The following NRXN3 variants were observed in gnomAD, a reference collection of about 807,000 sequenced individuals.
NRXN3 encodes the protein neurexin 3.
In NRXN3, 32 loss-of-function variants were observed where a neutral mutation model predicts 137.6. That is an observed-to-expected ratio of 0.23 (90% CI 0.18 to 0.31). The LOEUF is 0.31. Ranked by LOEUF, NRXN3 falls within the 10% of genes least tolerant of loss-of-function variation. The pLI, the probability that NRXN3 is intolerant of heterozygous loss-of-function variation, is 1.00. For synonymous variants in NRXN3, 798 were observed against 784.5 expected, an observed-to-expected ratio of 1.02 and a Z score of -0.29; for missense variants, 1,574 against 2,062.5, an observed-to-expected ratio of 0.76 and a Z score of 4.59.
intron 8 of NRXN3, 92 bp from the exon 9 acceptor site, chr14:78,803,527 CA>C: frequency 2.6e-6 from 3 of 1,135,726 alleles, no homozygotes; most frequent in Non-Finnish European, 4.0e-6. Context: ...ACAAATCTGG[CA>C]CCCTCTCTAC....
intron 16 of NRXN3, among the ~76,000 whole-genome samples, chr14:79,504,847 AATT>A: frequency 6.6e-6 from 1 of 151,952 alleles, no homozygotes. Flanking sequence ...CATAAAGTAA[AATT>A]ATTATCATTT....
chr14:79,161,122 G>C (rs1486289745), intron 15 of NRXN3, among the ~76,000 whole-genome samples: 1 of 151,880 alleles, frequency 6.6e-6, no homozygotes, highest in South Asian at 2.1e-4. Context: ...ATAATGCACA[G>C]ACTTGAATTC....
intron 20 of NRXN3, among the ~76,000 whole-genome samples, chr14:79,819,753 G>A (rs1467335683): frequency 6.6e-6 from 1 of 151,922 alleles, no homozygotes; most frequent in Non-Finnish European, 1.5e-5. Context: ...AAAGTGCTGG[G>A]ATTACAGGCA....
intron 11 of NRXN3, among the ~76,000 whole-genome samples, chr14:78,957,610 G>A (rs187396643): frequency 8.3e-4 from 127 of 152,272 alleles, no homozygotes; most frequent in African/African-American, 2.7e-3. Flanking sequence ...CTCCTTAGGC[G>A]TAGAGTATGT....
At chr14:78,600,366 T>C (rs2097192713) in intron 4 of NRXN3, among the ~76,000 whole-genome samples, 1 of 152,176 alleles carries the variant, frequency 6.6e-6, no homozygotes, top group African/African-American at 2.4e-5. Flanking sequence ...TACAATACTG[T>C]CATAAAGTCA....
chr14:79,412,635 T>C (rs760697084), intron 15 of NRXN3, among the ~76,000 whole-genome samples: 1 of 150,550 alleles, frequency 6.6e-6, no homozygotes, highest in Non-Finnish European at 1.5e-5. Context: ...TACAAAAAAG[T>C]AGCCAGGGGT....
chr14:78,945,948 T>A (rs2099364265), intron 10 of NRXN3, among the ~76,000 whole-genome samples: 1 of 152,174 alleles, frequency 6.6e-6, no homozygotes, highest in African/African-American at 2.4e-5. Flanking sequence ...TCTGCTCACA[T>A]TTTCTTGGCT....
rs571753772 is a variant in NRXN3, at chr14:78,965,369, C to T, written c.2396-656C>T. Among the ~76,000 whole-genome samples the T allele has an allele frequency of 5.9e-5, 9 of 152,222 alleles. No individual in the cohort carries two copies. The South Asian group carries it at 1.0e-3, about 18-fold the overall frequency. On this transcript the variant is annotated intron_variant, in intron 11 of 20. Coordinates refer to ENST00000335750, the MANE Select transcript of NRXN3 (RefSeq NM_001330195.2). ...CTGATACACCCTAAAGTGTAATGAC[C>T]GCTTTTTAAGTCTGTAGTCCAAAGT...
intron 10 of NRXN3, among the ~76,000 whole-genome samples, chr14:78,896,645 A>C (rs2099176055): frequency 6.6e-6 from 1 of 151,892 alleles, no homozygotes. Flanking sequence ...TTTTATAGAG[A>C]GGCAAAATGC....
chr14:78,243,237 C>T lies in NRXN3; in HGVS notation c.144C>T (p.Arg48=), dbSNP rs756820500. The change falls in exon 2 of 21, where the codon CGC becomes CGT. Residue 48 remains arginine, a synonymous_variant. Transcript: ENST00000335750. This position sits in a 1 kb window ranked among gnomAD's most constrained non-coding sequence, Gnocchi z 4.2. ...ARYLRWDAST[R]SDLSFQFKTN... is the part of the protein sequence containing the mutation. ...ACCTCCGCTGGGATGCCAGCACACG[C>T]AGTGACCTGAGTTTCCAGTTCAAGA... is the stretch of plus-strand genomic sequence containing the variant. 9.0e-6 allele frequency: 14 copies of T among 1,554,008 alleles called. No homozygotes were observed. In the East Asian group the frequency reaches 1.4e-4, roughly 16 times the overall value.
chr14:79,356,459 G>C (rs2093426024), intron 15 of NRXN3, among the ~76,000 whole-genome samples: 1 of 152,132 alleles, frequency 6.6e-6, no homozygotes, highest in South Asian at 2.1e-4. Flanking sequence ...TCTTCATGCT[G>C]CATCCTTGTG....
At chr14:79,275,805 G>C (rs912403356) in intron 15 of NRXN3, among the ~76,000 whole-genome samples, 1 of 151,964 alleles carries the variant, frequency 6.6e-6, no homozygotes, top group Non-Finnish European at 1.5e-5. Context: ...TAATATAGGG[G>C]TTTTTTAAAA....
At chr14:78,347,338 T>C (rs1292103221) in intron 4 of NRXN3, among the ~76,000 whole-genome samples, 1 of 152,234 alleles carries the variant, frequency 6.6e-6, no homozygotes, top group East Asian at 1.9e-4. Context: ...TTCGGTGTTA[T>C]CTGTTTTTCT....
At chr14:79,156,281 G>T (rs1409776372) in intron 15 of NRXN3, among the ~76,000 whole-genome samples, 5 of 151,820 alleles carry the variant, frequency 3.3e-5, no homozygotes, top group African/African-American at 4.8e-5. Context: ...CAGCTAGCAT[G>T]TCAGGCAATC....
At chr14:78,956,677 G>T (rs184210799) in intron 10 of NRXN3, among the ~76,000 whole-genome samples, 2 of 152,160 alleles carry the variant, frequency 1.3e-5, no homozygotes, top group Non-Finnish European at 2.9e-5. Context: ...AAACTTGACA[G>T]TATTACTATT....
chr14:79,783,461 C>A (rs1013626390), intron 19 of NRXN3, among the ~76,000 whole-genome samples: 5 of 152,136 alleles, frequency 3.3e-5, no homozygotes, highest in African/African-American at 7.2e-5. Flanking sequence ...CTTTTCCTGT[C>A]CCTTTGAAGA....
chr14:78,529,768 G>A (rs903281140), intron 4 of NRXN3, among the ~76,000 whole-genome samples: 6 of 152,240 alleles, frequency 3.9e-5, no homozygotes, highest in Admixed American at 1.3e-4. Flanking sequence ...CCCCACTGTG[G>A]CATTTTCTGA....
chr14:79,443,714 A>T (rs1036896423), intron 15 of NRXN3, among the ~76,000 whole-genome samples: 1 of 152,204 alleles, frequency 6.6e-6, no homozygotes, highest in African/African-American at 2.4e-5. Context: ...TGGGGCAAGA[A>T]GGGTCCTGTC....
At chr14:79,786,196 T>C (rs765661464) in intron 19 of NRXN3, among the ~76,000 whole-genome samples, 2 of 152,226 alleles carry the variant, frequency 1.3e-5, no homozygotes, top group African/African-American at 2.4e-5. Flanking sequence ...AGCTATAGAC[T>C]GTTTATGGAC....
Sources: gnomAD v4.1 joint callset for allele counts (sites outside exome capture counted in the v4.1 genomes callset) on GRCh38, gnomAD v4.1.1 for gene constraint, Gnocchi (gnomAD v3.1) non-coding constraint, MANE v1.5 for transcripts, NCBI Gene and HGNC (gene_info 2026-07-23, HGNC 2026-07-21) for gene names.